Variants in PABPC4L observed in about 807,000 individuals in gnomAD.
PABPC4L encodes the protein polyadenylate-binding protein 4-like.
For synonymous variants in PABPC4L, 169 were observed against 164.1 expected (o/e 1.03, Z -0.23); for missense variants, 452 against 451.4 (o/e 1.00, Z -0.01).
chr4:134,098,720 G>A, the PABPC4L span, among the ~76,000 whole-genome samples: 8 of 151,598 alleles, frequency 5.3e-5, no homozygotes, highest in Non-Finnish European at 4.4e-5. Flanking sequence ...ATGCTAGTCA[G>A]ACTACCCAAT....
At chr4:134,087,670 C>A in the PABPC4L span, among the ~76,000 whole-genome samples, 3 of 152,100 alleles carry the variant, frequency 2.0e-5, no homozygotes, top group Non-Finnish European at 4.4e-5. Flanking sequence ...TCCAGAGGCC[C>A]TCTATATGTG....
chr4:134,086,887 G>A, the PABPC4L span, among the ~76,000 whole-genome samples: 1 of 151,400 alleles, frequency 6.6e-6, no homozygotes, highest in African/African-American at 2.4e-5. Flanking sequence ...GTGCCATGCT[G>A]GTGCGCTGCA....
chr4:134,192,893 G>T (rs1315808951), downstream of PABPC4L, among the ~76,000 whole-genome samples: 1 of 152,062 alleles, frequency 6.6e-6, no homozygotes, highest in Non-Finnish European at 1.5e-5. Context: ...GAGAGAGTTG[G>T]AGGGGTACAG....
chr4:134,101,854 C>T, the PABPC4L span, among the ~76,000 whole-genome samples: 1 of 151,386 alleles, frequency 6.6e-6, no homozygotes, highest in Admixed American at 6.6e-5. Context: ...AATAGTGTAT[C>T]CCTTCAATTC....
the PABPC4L span, among the ~76,000 whole-genome samples, chr4:134,173,175 A>AG: frequency 6.6e-6 from 1 of 150,850 alleles, no homozygotes; most frequent in African/African-American, 2.4e-5. Context: ...AAAAAAAAAA[A>AG]AAAAAGAAAC....
chr4:134,119,730 T>C, the PABPC4L span, among the ~76,000 whole-genome samples: 1 of 151,702 alleles, frequency 6.6e-6, no homozygotes, highest in African/African-American at 2.4e-5. Context: ...TCTCATTATG[T>C]TCTCCAAAAT....
the PABPC4L span, among the ~76,000 whole-genome samples, chr4:134,004,984 G>A: frequency 6.6e-6 from 1 of 151,826 alleles, no homozygotes; most frequent in African/African-American, 2.4e-5. Flanking sequence ...GTGGAGAGAT[G>A]TTGGCTAAAG....
At chr4:134,168,630 A>G in the PABPC4L span, among the ~76,000 whole-genome samples, 1 of 152,002 alleles carries the variant, frequency 6.6e-6, no homozygotes, top group Admixed American at 6.6e-5. Flanking sequence ...ATTAAAAACT[A>G]TTATGAGCAA....
At chr4:134,011,795 A>G in the PABPC4L span, among the ~76,000 whole-genome samples, 2 of 152,106 alleles carry the variant, frequency 1.3e-5, no homozygotes, top group Non-Finnish European at 2.9e-5. Flanking sequence ...AATCTTGCAT[A>G]TTTCTTGACT....
At chr4:133,998,748 C>A in the PABPC4L span, among the ~76,000 whole-genome samples, 1 of 148,630 alleles carries the variant, frequency 6.7e-6, no homozygotes, top group Non-Finnish European at 1.5e-5. Context: ...TTTTTTTTTT[C>A]TAATGTTGGC....
At chr4:133,952,178 A>C in the PABPC4L span, among the ~76,000 whole-genome samples, 1 of 152,096 alleles carries the variant, frequency 6.6e-6, no homozygotes, top group African/African-American at 2.4e-5. Context: ...TTCCTCCAGG[A>C]CGTTTTCTAA....
the PABPC4L span, among the ~76,000 whole-genome samples, chr4:133,950,560 C>T: frequency 6.6e-6 from 1 of 152,188 alleles, no homozygotes; most frequent in Non-Finnish European, 1.5e-5. Flanking sequence ...TTAGTTCTCT[C>T]ATTATGGGTT....
At chr4:134,126,115 A>C in the PABPC4L span, among the ~76,000 whole-genome samples, 1 of 152,168 alleles carries the variant, frequency 6.6e-6, no homozygotes, top group Non-Finnish European at 1.5e-5. Context: ...TATGCACTCA[A>C]ATACAGGAGA....
At chr4:134,186,800 G>A in the PABPC4L span, among the ~76,000 whole-genome samples, 106,503 of 151,940 alleles carry the variant, frequency 0.7, 39,023 homozygotes, top group East Asian at 1. Context: ...CCATCTGACA[G>A]AGGGCTAATA....
At chr4:134,190,303 A>G in the PABPC4L span, among the ~76,000 whole-genome samples, 1 of 152,068 alleles carries the variant, frequency 6.6e-6, no homozygotes, top group Admixed American at 6.6e-5. Context: ...AGTCTGTTAA[A>G]TTTTTTAGTT....
chr4:134,103,124 T>TTAAAATATAAATCATGATTTATAATTAAA, the PABPC4L span, among the ~76,000 whole-genome samples: 1 of 151,688 alleles, frequency 6.6e-6, no homozygotes, highest in Non-Finnish European at 1.5e-5. Context: ...CACAGCAAGA[T>TTAAAATATAAATCATGATTTATAATTAAA]TAAAATATAA....
chr4:134,019,093 C>T, the PABPC4L span, among the ~76,000 whole-genome samples: 1 of 151,974 alleles, frequency 6.6e-6, no homozygotes, highest in Non-Finnish European at 1.5e-5. Context: ...TCCATTGAAA[C>T]AACATTTAAA....
At chr4:133,971,038 C>T in the PABPC4L span, among the ~76,000 whole-genome samples, 1 of 151,326 alleles carries the variant, frequency 6.6e-6, no homozygotes, top group Non-Finnish European at 1.5e-5. Flanking sequence ...TATCTCCTCT[C>T]TTTTACTCAT....
At chr4:134,151,188 T>C in the PABPC4L span, among the ~76,000 whole-genome samples, 1 of 152,144 alleles carries the variant, frequency 6.6e-6, no homozygotes, top group East Asian at 1.9e-4. Flanking sequence ...GGCAATCCCT[T>C]GTTCTTGACC....
Sources: allele counts gnomAD v4.1 joint callset (sites outside exome capture counted in the v4.1 genomes callset), GRCh38; gene constraint gnomAD v4.1.1; transcripts MANE v1.5; gene names NCBI Gene and HGNC (gene_info 2026-07-23, HGNC 2026-07-21).